The following RALA variants were observed in gnomAD, a reference collection of about 807,000 sequenced individuals.
RALA encodes RAS like proto-oncogene A, also known as ras-related protein Ral-A.
RALA carries 5 observed loss-of-function variants against 24.0 expected under a neutral mutation model. The observed-to-expected ratio is 0.21, with a 90% CI of 0.11 to 0.44. RALA has a LOEUF of 0.44. RALA is among the 20% of genes least tolerant of loss of function. RALA has a pLI of 0.99. For missense variants in RALA, 95 were observed against 241.2 expected (o/e 0.39, Z 4.01); for synonymous variants, 77 against 83.8 (o/e 0.92, Z 0.44).
intron 1 of RALA, among the ~76,000 whole-genome samples, chr7:39,672,165 A>G (rs1792402062): frequency 6.6e-6 from 1 of 152,224 alleles, no homozygotes; most frequent in Non-Finnish European, 1.5e-5. Flanking sequence ...AATATTTTCA[A>G]AACACATCTC....
intron 3 of RALA, among the ~76,000 whole-genome samples, chr7:39,693,885 C>T (rs1455075655): frequency 6.6e-6 from 1 of 152,190 alleles, no homozygotes; most frequent in Admixed American, 6.5e-5. Flanking sequence ...CTCTGTGGCC[C>T]ATAGTCTGTG....
At chr7:39,660,096 A>G (rs1247435860) in intron 1 of RALA, among the ~76,000 whole-genome samples, 1 of 152,082 alleles carries the variant, frequency 6.6e-6, no homozygotes, top group African/African-American at 2.4e-5. Flanking sequence ...CTGTAATCCC[A>G]GCACTTTGGG....
intron 4 of RALA, chr7:39,697,283 A>G (rs1792937743): frequency 2.3e-6 from 1 of 437,204 alleles, no homozygotes; most frequent in Non-Finnish European, 4.6e-6. Flanking sequence ...GCCCCCAGAT[A>G]AGAGCGTTTT....
intron 1 of RALA, among the ~76,000 whole-genome samples, chr7:39,636,467 A>T (rs536065977): frequency 1.3e-5 from 2 of 152,244 alleles, no homozygotes; most frequent in South Asian, 4.2e-4. Flanking sequence ...ATGTTTATTA[A>T]GTTATCTATA....
intron 1 of RALA, among the ~76,000 whole-genome samples, chr7:39,655,125 T>C (rs1792074879): frequency 6.6e-6 from 1 of 152,264 alleles, no homozygotes; most frequent in South Asian, 2.1e-4. Context: ...ATTCTTTCTT[T>C]ACTGAATTGC....
At chr7:39,701,898 A>G (rs989292874) in intron 4 of RALA, among the ~76,000 whole-genome samples, 10 of 152,232 alleles carry the variant, frequency 6.6e-5, no homozygotes, top group Admixed American at 6.5e-4. Context: ...GGATTCATTC[A>G]GTGACCTTGT....
At chr7:39,677,907 T>G (rs1472439215) in intron 1 of RALA, among the ~76,000 whole-genome samples, 1 of 142,884 alleles carries the variant, frequency 7.0e-6, no homozygotes, top group Non-Finnish European at 1.5e-5. Flanking sequence ...TTGTTTGTTT[T>G]TTTCTTGTAA....
At chr7:39,688,784 C>G (rs1792757917) in intron 2 of RALA, among the ~76,000 whole-genome samples, 7 of 151,998 alleles carry the variant, frequency 4.6e-5, no homozygotes, top group Admixed American at 4.6e-4. Context: ...CGTCTGTTCT[C>G]ACACTGCTAT....
chr7:39,703,436 T>TA (rs1348440977), intron 4 of RALA: 1 of 152,234 alleles, frequency 6.6e-6, no homozygotes, highest in Non-Finnish European at 1.5e-5. Flanking sequence ...TTTAACCGTT[T>TA]ATGCTCCTTC....
chr7:39,659,836 A>T (rs907144212), intron 1 of RALA, among the ~76,000 whole-genome samples: 18 of 152,228 alleles, frequency 1.2e-4, no homozygotes, highest in African/African-American at 4.3e-4. Flanking sequence ...TTCCTTAAAA[A>T]TGAGTTGCAC....
At chr7:39,629,023 C>T (rs530527992) in intron 1 of RALA, among the ~76,000 whole-genome samples, 5 of 152,324 alleles carry the variant, frequency 3.3e-5, no homozygotes, top group African/African-American at 7.2e-5. Context: ...CCTGTTTGAA[C>T]ATTTAAGTAA....
chr7:39,639,829 C>T (rs1791749470), intron 1 of RALA, among the ~76,000 whole-genome samples: 1 of 152,118 alleles, frequency 6.6e-6, no homozygotes, highest in South Asian at 2.1e-4. Flanking sequence ...AGGATGCCCT[C>T]ATGCACACAC....
At chr7:39,662,042 A>G (rs1792201362) in intron 1 of RALA, among the ~76,000 whole-genome samples, 1 of 152,174 alleles carries the variant, frequency 6.6e-6, no homozygotes, top group South Asian at 2.1e-4. Flanking sequence ...ACCTTCTGAA[A>G]CCACAACCCG....
chr7:39,693,253 T>TTCC (rs1792862261), intron 3 of RALA, among the ~76,000 whole-genome samples: 1 of 152,026 alleles, frequency 6.6e-6, no homozygotes, highest in South Asian at 2.1e-4. Context: ...AAAGGATGAG[T>TTCC]TCATGTCCTT....
chr7:39,689,827 C>T (rs1305367697), intron 2 of RALA, among the ~76,000 whole-genome samples: 2 of 151,996 alleles, frequency 1.3e-5, no homozygotes, highest in African/African-American at 4.8e-5. Flanking sequence ...ATGGGGCTGA[C>T]GATAGGAGTG....
intron 1 of RALA, among the ~76,000 whole-genome samples, chr7:39,678,165 C>T (rs941850157): frequency 6.7e-6 from 1 of 148,906 alleles, no homozygotes; most frequent in East Asian, 2.0e-4. Flanking sequence ...GCACAATGTG[C>T]ACATGTACCC....
intron 1 of RALA, among the ~76,000 whole-genome samples, chr7:39,664,245 T>G (rs1484235664): frequency 6.6e-6 from 1 of 152,192 alleles, no homozygotes; most frequent in Non-Finnish European, 1.5e-5. Flanking sequence ...TCTGTAAAGC[T>G]GCTAATCCCC....
intron 1 of RALA, among the ~76,000 whole-genome samples, chr7:39,626,722 A>G (rs1037052211): frequency 6.6e-6 from 1 of 152,258 alleles, no homozygotes; most frequent in Non-Finnish European, 1.5e-5. Context: ...TTAAAGTAAC[A>G]GAATCGTCCC....
chr7:39,659,349 T>A (rs1006417558), intron 1 of RALA, among the ~76,000 whole-genome samples: 2 of 152,086 alleles, frequency 1.3e-5, no homozygotes, highest in African/African-American at 4.8e-5. Context: ...GGAAGAAAAA[T>A]ATAAGTGCTA....
Sources: gnomAD v4.1 joint callset for allele counts (sites outside exome capture counted in the v4.1 genomes callset) on GRCh38, gnomAD v4.1.1 for gene constraint, MANE v1.5 for transcripts, NCBI Gene and HGNC (gene_info 2026-07-23, HGNC 2026-07-21) for gene names.